ARHGAP1: variants seen among roughly 807,000 people sequenced by gnomAD.
ARHGAP1 encodes the protein rho GTPase-activating protein 1.
ARHGAP1 carries 23 observed loss-of-function variants against 52.2 expected under a neutral mutation model. The ratio of observed to expected loss-of-function variants is 0.44; its 90% CI spans 0.32 to 0.62. ARHGAP1 has a LOEUF of 0.62. ARHGAP1 is among the 20% of genes least tolerant of loss of function. The pLI, the probability that ARHGAP1 is intolerant of heterozygous loss-of-function variation, is 0.05. For missense variants in ARHGAP1, 480 were observed against 560.9 expected, an observed-to-expected ratio of 0.86 and a Z score of 1.46; for synonymous variants, 210 against 228.4, an observed-to-expected ratio of 0.92 and a Z score of 0.73.
Position 46,681,090 on chromosome 11 carries a change from T to C in ARHGAP1, c.556A>G (p.Ile186Val). 1 of 1,614,122 alleles carries C rather than the reference T, an allele frequency of 6.2e-7. No homozygotes were observed. The highest frequency in any genetic ancestry group is 8.5e-7 in the Non-Finnish European group (1 of 1,180,020). ...TCGCTCAGGTAATTCACATAGAAGA[T>C]CTTCTGCCCGAACTTGAAGCTGTTG... ...PLISFKFGQKIFYVNYLSELS... is the reference protein window; with the variant it reads ...PLISFKFGQKVFYVNYLSELS... Residue 186 changes from isoleucine to valine, a missense_variant, in exon 7 of 13, where the codon ATC (isoleucine) becomes GTC (valine). Physicochemically the swap from Ile to Val is conservative, Grantham distance 29. Coordinates refer to ENST00000311956, the MANE Select transcript of ARHGAP1 (RefSeq NM_004308.5). This position sits in a 1 kb window ranked among gnomAD's most constrained non-coding sequence, Gnocchi z 5.7.
chr11:46,698,467 G>A (rs570950495), intron 1 of ARHGAP1, among the ~76,000 whole-genome samples: 1 of 151,930 alleles, frequency 6.6e-6, no homozygotes, highest in Non-Finnish European at 1.5e-5. Context: ...AAATAGCCAG[G>A]CATGGTGGTG....
intron 3 of ARHGAP1, among the ~76,000 whole-genome samples, chr11:46,693,567 G>A (rs1360032183): frequency 6.6e-6 from 1 of 151,924 alleles, no homozygotes; most frequent in Non-Finnish European, 1.5e-5. Context: ...TACCACACCT[G>A]GCTAATTTAT....
intron 3 of ARHGAP1, among the ~76,000 whole-genome samples, chr11:46,690,884 AT>A (rs796300308): frequency 9.3e-4 from 134 of 144,320 alleles, no homozygotes; most frequent in Admixed American, 9.8e-4. Context: ...GCAAGCTGTG[AT>A]TTTTTTTTTT....
In ARHGAP1 at chr11:46,681,062, A is replaced by G; in HGVS notation, c.584T>C (p.Leu195Pro). The G allele has an allele frequency of 6.2e-7, 1 of 1,614,034 alleles. No homozygotes were observed. The highest frequency in any genetic ancestry group is 8.5e-7 in the Non-Finnish European group (1 of 1,180,028). ...CTGCTCCAGCTTCACGTGCTCGCTC[A>G]GCTCGCTCAGGTAATTCACATAGAA... ...KIFYVNYLSELSEHVKLEQLG... is the reference protein window; with the variant it reads ...KIFYVNYLSEPSEHVKLEQLG... Residue 195 changes from leucine (L) to proline (P), a missense_variant, in exon 7 of 13, where the codon CTG (leucine) becomes CCG (proline). Transcript: ENST00000311956. The surrounding 1 kb of genome is among the most constrained non-coding windows in gnomAD (Gnocchi z 5.7).
rs747836223 is a variant in ARHGAP1, at chr11:46,680,097, C to G, written c.898+108G>C. On this transcript the variant is annotated intron_variant, in intron 10 of 12. Coordinates refer to ENST00000311956, the MANE Select transcript of ARHGAP1 (RefSeq NM_004308.5). The surrounding 1 kb of genome is among the most constrained non-coding windows in gnomAD (Gnocchi z 5.9). ...ATGTGACACCCAGAGCCACGGAAACCTCCAGCAGGAAGAGACTCTGAGACT... is the reference window on the plus strand; with the variant it reads ...ATGTGACACCCAGAGCCACGGAAACGTCCAGCAGGAAGAGACTCTGAGACT... 1 of 1,361,988 alleles carries G rather than the reference C, an allele frequency of 7.3e-7. No homozygotes were observed. The highest frequency in any genetic ancestry group is 1.0e-6 in the Non-Finnish European group (1 of 960,654). 84.4% of individuals were successfully genotyped at this position (1,361,988 alleles called of 1,614,324 possible). A position where few individuals can be genotyped will look rare whatever the true frequency, so the allele number is the denominator to read the frequency against.
rs781463596 is a variant in ARHGAP1, at chr11:46,681,138, T to C, written c.537-29A>G. Reference sequence around the variant, plus strand: ...TTGGTGGAAGAAAGGGCCTGGGTTGTGGGGGCCCGCTTCCGGTGGCCTCCA... The same window carrying C: ...TTGGTGGAAGAAAGGGCCTGGGTTGCGGGGGCCCGCTTCCGGTGGCCTCCA... On this transcript the variant is annotated intron_variant, in intron 6 of 12. Transcript: ENST00000311956. This position sits in a 1 kb window ranked among gnomAD's most constrained non-coding sequence, Gnocchi z 5.7. The C allele has an allele frequency of 1.9e-6, 3 of 1,602,332 alleles. No homozygotes were observed. Among genetic ancestry groups the C allele is most frequent in the African/African-American group, 2.7e-5 (2 of 74,628 alleles).
In ARHGAP1 at chr11:46,695,687, C is replaced by A. The variant is rs1056661324; in HGVS notation, c.202G>T (p.Ala68Ser). ...GCCACCTCCACGATCTGGTGCCGGG[C>A]GATGTCATAGTATGGGTCATCCCAC... ...LKWDDPYYDI[A>S]RHQIVEVAGD... The change falls in exon 3 of 13, where the codon GCC becomes TCC. Residue 68 changes from alanine to serine, a missense_variant. Transcript: ENST00000311956. 3 of 1,551,890 alleles carry A rather than the reference C, an allele frequency of 1.9e-6. No individual in the cohort carries two copies. Among genetic ancestry groups the A allele is most frequent in the Non-Finnish European group, 2.6e-6 (3 of 1,147,056 alleles).
chr11:46,692,978 G>C (rs908883219), intron 3 of ARHGAP1, among the ~76,000 whole-genome samples: 5 of 151,838 alleles, frequency 3.3e-5, no homozygotes, highest in African/African-American at 1.2e-4. Flanking sequence ...TCAGGCTCCT[G>C]AGTAGCTGGG....
chr11:46,679,472 T>G lies in ARHGAP1; in HGVS notation c.1028-4A>C. ...ACCCTCTGGCTTTCATCAATGTCTA[T>G]GAGGAAAGGAGGCCCGGGTTATAGG... On this transcript the variant is annotated splice_region_variant and splice_polypyrimidine_tract_variant and intron_variant, in intron 11 of 12. Transcript: ENST00000311956. The surrounding 1 kb of genome is among the most constrained non-coding windows in gnomAD (Gnocchi z 4.4). The G allele has an allele frequency of 1.9e-6, 3 of 1,613,660 alleles. No homozygotes were observed. Among genetic ancestry groups the G allele is most frequent in the Non-Finnish European group, 2.5e-6 (3 of 1,179,680 alleles).
chr11:46,688,518 T>A (rs1385883545), intron 3 of ARHGAP1, among the ~76,000 whole-genome samples: 1 of 151,952 alleles, frequency 6.6e-6, no homozygotes, highest in African/African-American at 2.4e-5. Flanking sequence ...GTCTTGTTCT[T>A]TCACCCAGTC....
chr11:46,684,081 G>A (rs1052928516), intron 4 of ARHGAP1, among the ~76,000 whole-genome samples: 1 of 152,188 alleles, frequency 6.6e-6, no homozygotes, highest in Admixed American at 6.5e-5. Context: ...AGTGGCCAGA[G>A]CTTGACCTAA....
In ARHGAP1 at chr11:46,695,697, G is replaced by T; in HGVS notation, c.192C>A (p.Tyr64Ter). The T allele has an allele frequency of 6.4e-7, 1 of 1,552,012 alleles. No homozygotes were observed. ...LVTHLKWDDP[Y>*]YDIARHQIVE... ...CGATCTGGTGCCGGGCGATGTCATAGTATGGGTCATCCCACTTCAGGTGTG... is the reference window on the plus strand; with the variant it reads ...CGATCTGGTGCCGGGCGATGTCATATTATGGGTCATCCCACTTCAGGTGTG... The change falls in exon 3 of 13, where the codon TAC becomes TAA. Residue 64 changes from tyrosine to a stop codon, truncating the protein, a stop_gained. Transcript: ENST00000311956. LOFTEE classifies it high-confidence loss of function.
intron 4 of ARHGAP1, chr11:46,687,525 CAGAA>C (rs2064580209): frequency 6.6e-6 from 1 of 152,332 alleles, no homozygotes; most frequent in Non-Finnish European, 1.5e-5. Flanking sequence ...GCCGAGAAAA[CAGAA>C]AGAAGGGCAA....
intron 4 of ARHGAP1, among the ~76,000 whole-genome samples, chr11:46,685,203 G>T (rs1164671679): frequency 6.6e-6 from 1 of 151,050 alleles, no homozygotes; most frequent in Non-Finnish European, 1.5e-5. Context: ...TAGGTGGTGG[G>T]TGTGTGGGAG....
In ARHGAP1 at chr11:46,679,854, T is replaced by C; in HGVS notation, c.899-78A>G. 6.3e-7 allele frequency: 1 copy of C among 1,590,526 alleles called. No individual in the cohort carries two copies. Among genetic ancestry groups the C allele is most frequent in the South Asian group, 1.1e-5 (1 of 88,826 alleles). The stretch of plus-strand genomic sequence containing the variant: ...CATCTGCAGACAACGCGGGCCGCAC[T>C]GCCTGACTGCCCCTGGACACTGCAT... On this transcript the variant is annotated intron_variant, in intron 10 of 12. Coordinates refer to ENST00000311956, the MANE Select transcript of ARHGAP1 (RefSeq NM_004308.5). The surrounding 1 kb of genome is among the most constrained non-coding windows in gnomAD (Gnocchi z 4.4).
At position 46,695,771 on chromosome 11, in the gene ARHGAP1, G is replaced by A. The variant is rs1160208143; in HGVS notation, c.134-16C>T. 5.2e-6 allele frequency: 8 copies of A among 1,552,906 alleles called. No homozygotes were observed. The highest frequency in any genetic ancestry group is 7.0e-6 in the Non-Finnish European group (8 of 1,147,464). ...TTGGAGTCATCTGAGGAACACAGCA[G>A]GGTCAGGGGACAAGCCAGGGGGCTG... On this transcript the variant is annotated splice_polypyrimidine_tract_variant and intron_variant, in intron 2 of 12. Coordinates refer to ENST00000311956, the MANE Select transcript of ARHGAP1 (RefSeq NM_004308.5).
In ARHGAP1 at chr11:46,699,701, T is replaced by TA. The variant is rs879553764; in HGVS notation, c.-50+849dup. On this transcript the variant is annotated intron_variant, in intron 1 of 12. Transcript: ENST00000311956. ...CTGGGCGACAGAGTGAGACTCCGTCTAAAAAAAAAAAAAGAAAAGAAATCA... is the reference window on the plus strand; with the variant it reads ...CTGGGCGACAGAGTGAGACTCCGTCTAAAAAAAAAAAAAAGAAAAGAAATCA... Among the ~76,000 whole-genome samples, 526 of 137,836 alleles carry TA rather than the reference T, an allele frequency of 3.8e-3. 1 individual carries two copies. The highest frequency in any genetic ancestry group is 1.0e-2 in the African/African-American group (375 of 37,612). 90.4% of individuals were successfully genotyped at this position (137,836 alleles called of 152,430 possible). A position where few individuals can be genotyped will look rare whatever the true frequency, so the allele number is the denominator to read the frequency against.
At chr11:46,700,494 C>A in intron 1 of ARHGAP1, 57 bp downstream of exon 1, 1 of 165,014 alleles carries the variant, frequency 6.1e-6, no homozygotes, top group Non-Finnish European at 1.3e-5. Context: ...GACGACCTGG[C>A]CAGCTCCTTT....
chr11:46,691,662 G>C (rs2064616321), intron 3 of ARHGAP1, among the ~76,000 whole-genome samples: 1 of 151,978 alleles, frequency 6.6e-6, no homozygotes. Context: ...ATGTTTGTCA[G>C]GCTGGTCTCA....
Sources: gnomAD v4.1 joint callset for allele counts (sites outside exome capture counted in the v4.1 genomes callset) on GRCh38, gnomAD v4.1.1 for gene constraint, Gnocchi (gnomAD v3.1) non-coding constraint, MANE v1.5 for transcripts, NCBI Gene and HGNC (gene_info 2026-07-23, HGNC 2026-07-21) for gene names.